NRXN1: variants seen among roughly 807,000 people sequenced by gnomAD.
NRXN1 encodes neurexin 1.
A neutral mutation model predicts 150.9 loss-of-function variants in NRXN1; 39 were observed. The ratio of observed to expected loss-of-function variants is 0.26; its 90% confidence interval spans 0.20 to 0.34. The LOEUF is 0.34. Ranked by LOEUF, NRXN1 falls within the 10% of genes least tolerant of loss-of-function variation. The pLI is 1.00. For synonymous variants in NRXN1, 924 were observed against 757.0 expected, an observed-to-expected ratio of 1.22 and a Z score of -3.62; for missense variants, 1,815 against 1,949.9, an observed-to-expected ratio of 0.93 and a Z score of 1.30.
chr2:50,631,228 G>A, intron 5 of NRXN1: 1 of 388,714 alleles, frequency 2.6e-6, no homozygotes, highest in Non-Finnish European at 5.0e-6. Flanking sequence ...TCTGCAGCGA[G>A]TAATCAAGAT....
chr2:50,501,155 A>C (rs908555491), intron 13 of NRXN1, among the ~76,000 whole-genome samples: 9 of 152,302 alleles, frequency 5.9e-5, no homozygotes, highest in African/African-American at 2.2e-4. Flanking sequence ...AAGCCCTGTT[A>C]AGAATTGGAG....
chr2:50,553,115 T>A (rs1667766536), intron 8 of NRXN1, 90 bp from the exon 9 acceptor site: 1 of 893,628 alleles, frequency 1.1e-6, no homozygotes, highest in Non-Finnish European at 1.7e-6. Context: ...AACGACATCA[T>A]AAAAAGGCAC....
At chr2:50,371,579 A>G (rs1336088502) in intron 17 of NRXN1, among the ~76,000 whole-genome samples, 1 of 152,062 alleles carries the variant, frequency 6.6e-6, no homozygotes, top group Non-Finnish European at 1.5e-5. Context: ...ATTAAATTAT[A>G]GACCAGATTT....
At chr2:50,310,332 C>A (rs193067836) in intron 17 of NRXN1, among the ~76,000 whole-genome samples, 84 of 152,224 alleles carry the variant, frequency 5.5e-4, no homozygotes, top group African/African-American at 2.0e-3. Flanking sequence ...TCATAGAAAA[C>A]CAAAGTTGCA....
intron 17 of NRXN1, among the ~76,000 whole-genome samples, chr2:50,272,594 G>C (rs1463602763): frequency 2.0e-5 from 3 of 151,958 alleles, no homozygotes; most frequent in Non-Finnish European, 4.4e-5. Flanking sequence ...GATGAAGAAA[G>C]TAAAAGTAGA....
At chr2:50,328,690 C>T (rs1011598602) in intron 17 of NRXN1, among the ~76,000 whole-genome samples, 5 of 152,098 alleles carry the variant, frequency 3.3e-5, no homozygotes, top group Admixed American at 3.3e-4. Context: ...GAGCCGAGAT[C>T]GTGTCACTGA....
intron 17 of NRXN1, among the ~76,000 whole-genome samples, chr2:50,276,539 C>A (rs913849558): frequency 6.6e-6 from 1 of 152,170 alleles, no homozygotes; most frequent in African/African-American, 2.4e-5. Flanking sequence ...AATGGGAATA[C>A]TTACCCTTGG....
chr2:49,996,744 T>C (rs1183839715), intron 21 of NRXN1, among the ~76,000 whole-genome samples: 1 of 152,134 alleles, frequency 6.6e-6, no homozygotes, highest in Admixed American at 6.5e-5. Context: ...CCCTAAAGCC[T>C]CCAGAAGGAA....
intron 17 of NRXN1, among the ~76,000 whole-genome samples, chr2:50,379,231 T>G (rs924985252): frequency 2.0e-5 from 3 of 152,122 alleles, no homozygotes; most frequent in Non-Finnish European, 4.4e-5. Context: ...ACCAACTGAC[T>G]CTTTGTTTCA....
intron 5 of NRXN1, among the ~76,000 whole-genome samples, chr2:50,853,057 A>G (rs550329214): frequency 6.6e-6 from 1 of 152,264 alleles, no homozygotes; most frequent in Non-Finnish European, 1.5e-5. Flanking sequence ...AGTGTCCACT[A>G]TTGAAGACCA....
chr2:50,635,221 G>T (rs181285560), intron 5 of NRXN1, among the ~76,000 whole-genome samples: 1 of 151,112 alleles, frequency 6.6e-6, no homozygotes, highest in East Asian at 2.0e-4. Flanking sequence ...GCAGTGGCGC[G>T]ATCTCAGCTC....
chr2:50,895,317 T>G (rs552227720), intron 5 of NRXN1, among the ~76,000 whole-genome samples: 13 of 152,290 alleles, frequency 8.5e-5, no homozygotes, highest in African/African-American at 3.1e-4. Context: ...TGAATTAATC[T>G]TTGCTCTAAC....
chr2:50,113,108 C>T (rs1011876263), intron 18 of NRXN1, among the ~76,000 whole-genome samples: 2 of 152,138 alleles, frequency 1.3e-5, no homozygotes, highest in East Asian at 1.9e-4. Context: ...TGCTCAGTGA[C>T]GATCTTGAAG....
At chr2:50,343,963 T>C (rs1231161998) in intron 17 of NRXN1, among the ~76,000 whole-genome samples, 1 of 152,226 alleles carries the variant, frequency 6.6e-6, no homozygotes, top group Non-Finnish European at 1.5e-5. Flanking sequence ...GAACTAAACC[T>C]CATTTTCACT....
intron 21 of NRXN1, among the ~76,000 whole-genome samples, chr2:50,033,494 T>C (rs1388901799): frequency 6.6e-6 from 1 of 152,026 alleles, no homozygotes; most frequent in African/African-American, 2.4e-5. Flanking sequence ...GATTAACAAC[T>C]TAAATGTAAA....
At chr2:50,052,126 C>T (rs750241351) in intron 21 of NRXN1, among the ~76,000 whole-genome samples, 1 of 152,036 alleles carries the variant, frequency 6.6e-6, no homozygotes, top group South Asian at 2.1e-4. Context: ...ATTTGGGGTG[C>T]TGATACAAAC....
chr2:50,005,873 C>A (rs1684680254), intron 21 of NRXN1, among the ~76,000 whole-genome samples: 1 of 152,078 alleles, frequency 6.6e-6, no homozygotes, highest in Admixed American at 6.5e-5. Flanking sequence ...AACTTACTGC[C>A]CTTTTAATGT....
intron 5 of NRXN1, among the ~76,000 whole-genome samples, chr2:50,905,828 C>T (rs1683588013): frequency 6.6e-6 from 1 of 151,828 alleles, no homozygotes; most frequent in Non-Finnish European, 1.5e-5. Context: ...CATAGAGTTC[C>T]CTGGGTTGAT....
chr2:50,344,713 A>C (rs2077806623), intron 17 of NRXN1, among the ~76,000 whole-genome samples: 1 of 152,190 alleles, frequency 6.6e-6, no homozygotes, highest in African/African-American at 2.4e-5. Context: ...AGCGGAGAGG[A>C]AAAAGGAGTG....
Sources: gnomAD v4.1 joint callset for allele counts (sites outside exome capture counted in the v4.1 genomes callset) on GRCh38, gnomAD v4.1.1 for gene constraint, MANE v1.5 for transcripts, NCBI Gene and HGNC (gene_info 2026-07-23, HGNC 2026-07-21) for gene names.